BLTP3B: variants seen among roughly 807,000 people sequenced by gnomAD.
BLTP3B encodes bridge-like lipid transfer protein family member 3B.
At chr12:100,112,976 G>C in the BLTP3B span, among the ~76,000 whole-genome samples, 3 of 151,742 alleles carry the variant, frequency 2.0e-5, no homozygotes, top group Non-Finnish European at 4.4e-5. Context: ...TTCAAGACTA[G>C]CCTGGGTAAC....
the BLTP3B span, among the ~76,000 whole-genome samples, chr12:100,125,755 C>A: frequency 6.6e-6 from 1 of 152,178 alleles, no homozygotes; most frequent in African/African-American, 2.4e-5. Flanking sequence ...ATTTGCCAGT[C>A]ACTCATTAGG....
chr12:100,047,591 T>C, the BLTP3B span: 2 of 1,613,678 alleles, frequency 1.2e-6, no homozygotes, highest in Non-Finnish European at 1.7e-6. Context: ...TATGTACAGT[T>C]ACAGGAGCTG....
At chr12:100,080,429 T>C in the BLTP3B span, among the ~76,000 whole-genome samples, 1 of 151,894 alleles carries the variant, frequency 6.6e-6, no homozygotes, top group African/African-American at 2.4e-5. Flanking sequence ...CTCAGCTCAC[T>C]GTAAGCTCCG....
the BLTP3B span, among the ~76,000 whole-genome samples, chr12:100,083,994 C>A: frequency 0.029 from 4,370 of 152,008 alleles, 88 homozygotes; most frequent in African/African-American, 0.058. Context: ...TTTGAGACCA[C>A]CCTGGCCAAC....
At chr12:100,098,059 A>T in the BLTP3B span, among the ~76,000 whole-genome samples, 1 of 152,054 alleles carries the variant, frequency 6.6e-6, no homozygotes, top group Non-Finnish European at 1.5e-5. Flanking sequence ...TCTACCAAAA[A>T]TACAAAAATT....
chr12:100,111,325 G>A, the BLTP3B span, among the ~76,000 whole-genome samples: 5,727 of 122,342 alleles, frequency 0.047, 260 homozygotes, highest in African/African-American at 0.13. Context: ...ACACGGTCTC[G>A]CTCTGTTGTC....
chr12:100,044,435 CAT>C, the BLTP3B span, among the ~76,000 whole-genome samples: 1 of 152,150 alleles, frequency 6.6e-6, no homozygotes, highest in Non-Finnish European at 1.5e-5. Flanking sequence ...AACAGATGCA[CAT>C]GTCATTCCCT....
the BLTP3B span, among the ~76,000 whole-genome samples, chr12:100,134,155 T>A: frequency 6.6e-6 from 1 of 151,998 alleles, no homozygotes; most frequent in Middle Eastern, 3.2e-3. Flanking sequence ...TAGCAAAAAA[T>A]CCACCCCTGA....
the BLTP3B span, among the ~76,000 whole-genome samples, chr12:100,044,574 G>A: frequency 6.6e-6 from 1 of 152,120 alleles, no homozygotes; most frequent in Non-Finnish European, 1.5e-5. Flanking sequence ...TTAGAGTGGA[G>A]ATGCAAACAT....
At chr12:100,045,299 C>T in the BLTP3B span, among the ~76,000 whole-genome samples, 1 of 152,194 alleles carries the variant, frequency 6.6e-6, no homozygotes. Flanking sequence ...CAAGACAATC[C>T]TAAGCCAAAA....
At chr12:100,135,668 C>T in the BLTP3B span, among the ~76,000 whole-genome samples, 1 of 152,280 alleles carries the variant, frequency 6.6e-6, no homozygotes, top group Middle Eastern at 3.4e-3. Flanking sequence ...CCCTATGTTA[C>T]TTTTTCAGTA....
At chr12:100,100,727 A>ATT in the BLTP3B span, among the ~76,000 whole-genome samples, 47 of 144,926 alleles carry the variant, frequency 3.2e-4, no homozygotes, top group East Asian at 1.0e-3. Context: ...TTCACATTCT[A>ATT]TTTTTTTTTT....
chr12:100,071,443 G>A, the BLTP3B span, among the ~76,000 whole-genome samples: 1 of 139,218 alleles, frequency 7.2e-6, no homozygotes, highest in Non-Finnish European at 1.5e-5. Flanking sequence ...GTTCCAGTGA[G>A]CCAAGATCAC....
chr12:100,109,194 C>G, the BLTP3B span, among the ~76,000 whole-genome samples: 1 of 150,068 alleles, frequency 6.7e-6, no homozygotes, highest in African/African-American at 2.5e-5. Flanking sequence ...CTCTCTCTCT[C>G]TCTCTCTCTC....
chr12:100,109,158 T>TCCTCTCTCTCTC, the BLTP3B span, among the ~76,000 whole-genome samples: 2 of 73,726 alleles, frequency 2.7e-5, no homozygotes, highest in African/African-American at 1.1e-4. Context: ...CTGGCAGTTT[T>TCCTCTCTCTCTC]CCTCTCTCTC....
At chr12:100,039,542 T>C in the BLTP3B span, 1 of 1,487,252 alleles carries the variant, frequency 6.7e-7, no homozygotes, top group East Asian at 2.3e-5. Flanking sequence ...ATTAGTATCT[T>C]AATACCTAGT....
chr12:100,138,866 T>TACACACACAC, the BLTP3B span, among the ~76,000 whole-genome samples: 874 of 150,698 alleles, frequency 5.8e-3, 8 homozygotes, highest in African/African-American at 0.02. Context: ...CACATACACA[T>TACACACACAC]ACACACACAC....
At chr12:100,060,137 T>A in the BLTP3B span, 1 of 1,007,198 alleles carries the variant, frequency 9.9e-7, no homozygotes, top group East Asian at 3.1e-5. Context: ...GTTTTATTCT[T>A]TCTTAAGATA....
the BLTP3B span, among the ~76,000 whole-genome samples, chr12:100,130,982 GGAGAGAGAGAGA>G: frequency 9.5e-3 from 593 of 62,200 alleles, 1 homozygote; most frequent in Non-Finnish European, 0.012. Flanking sequence ...AGAGAGGGAG[GGAGAGAGAGAGA>G]GAGAGAGAGA....
Sources: allele counts gnomAD v4.1 joint callset (sites outside exome capture counted in the v4.1 genomes callset), GRCh38; gene constraint gnomAD v4.1.1; transcripts MANE v1.5; gene names NCBI Gene and HGNC (gene_info 2026-07-23, HGNC 2026-07-21).